AP2B1: variants seen among roughly 807,000 people sequenced by gnomAD.
The protein encoded by AP2B1 is AP-2 complex subunit beta.
In AP2B1, 23 loss-of-function variants were observed where a neutral mutation model predicts 102.0. That is an observed-to-expected ratio of 0.23 (90% CI 0.16 to 0.32). The LOEUF is 0.32. AP2B1 is among the 10% of genes least tolerant of loss of function. The probability of loss-of-function intolerance (pLI) is 1.00; values close to 1 mark genes in which losing one functional copy is unlikely to be tolerated. For missense variants in AP2B1, 541 were observed against 1,157.4 expected, an observed-to-expected ratio of 0.47 and a Z score of 7.73; for synonymous variants, 381 against 421.2, an observed-to-expected ratio of 0.90 and a Z score of 1.17.
chr17:35,680,373 T>C (rs1314492348), intron 17 of AP2B1, among the ~76,000 whole-genome samples: 2 of 152,212 alleles, frequency 1.3e-5, no homozygotes, highest in Non-Finnish European at 2.9e-5. Flanking sequence ...CTTCTTTTTT[T>C]TCCACCCGAA....
At chr17:35,722,804 A>G (rs1190067110) in intron 21 of AP2B1, among the ~76,000 whole-genome samples, 1 of 152,172 alleles carries the variant, frequency 6.6e-6, no homozygotes, top group Non-Finnish European at 1.5e-5. Flanking sequence ...TGCTTATATT[A>G]TTGTTAATAA....
At chr17:35,723,291 C>A (rs1362497862) in intron 21 of AP2B1, among the ~76,000 whole-genome samples, 3 of 152,188 alleles carry the variant, frequency 2.0e-5, no homozygotes, top group African/African-American at 7.2e-5. Context: ...TGGCCCTTCC[C>A]TTTTCATTTA....
intron 18 of AP2B1, among the ~76,000 whole-genome samples, 174 bp from the exon 19 acceptor site, chr17:35,709,050 A>C (rs2076397863): frequency 6.6e-6 from 1 of 152,106 alleles, no homozygotes; most frequent in Non-Finnish European, 1.5e-5. Context: ...ATGACAATGG[A>C]GTAAGTAAGG....
chr17:35,706,948 G>A (rs1421098977), intron 18 of AP2B1, among the ~76,000 whole-genome samples: 1 of 151,750 alleles, frequency 6.6e-6, no homozygotes, highest in East Asian at 1.9e-4. Flanking sequence ...CACCACACCC[G>A]GCCCCAGTTT....
Position 35,710,279 on chromosome 17 carries a change from A to G in AP2B1, c.2585A>G (p.Asn862Ser), listed in dbSNP as rs782017586. ...LATWKDIPNE[N>S]ELQFQIKECH... is the part of the protein sequence containing the mutation. ...ACATGGAAGGATATTCCCAATGAAA[A>G]TGAACTTCAGTTTCAGATTAAGGAA... Residue 862 changes from asparagine (N) to serine (S), a missense_variant, in exon 20 of 22, where the codon AAT (asparagine) becomes AGT (serine). Around this residue, in one of 10 missense-constraint regions of AP2B1, gnomAD observed 117 missense variants for 206.7 expected, o/e 0.57. Transcript: ENST00000610402. 1 of 1,613,732 alleles carries G rather than the reference A, an allele frequency of 6.2e-7. No homozygotes were observed. Among genetic ancestry groups the G allele is most frequent in the Admixed American group, 1.7e-5 (1 of 60,030 alleles).
chr17:35,646,219 T>C (rs2074929259), intron 12 of AP2B1, among the ~76,000 whole-genome samples: 1 of 152,234 alleles, frequency 6.6e-6, no homozygotes. Flanking sequence ...CCAAATTATC[T>C]GAGTCACCAA....
chr17:35,593,919 CTAAAATTAATTGGATGTTCT>C, intron 1 of AP2B1, 69 bp from the exon 2 acceptor site: 1 of 617,876 alleles, frequency 1.6e-6, no homozygotes, highest in East Asian at 3.3e-5. Context: ...ATAAGTGTTC[CTAAAATTAATTGGATGTTCT>C]TAAAATTAAT....
chr17:35,710,357 T>G, intron 20 of AP2B1, 37 bp downstream of exon 20: 1 of 1,360,632 alleles, frequency 7.3e-7, no homozygotes. Flanking sequence ...TTCATCTTAG[T>G]AAATCAAATT....
At chr17:35,625,078 A>G (rs974513720) in intron 6 of AP2B1, among the ~76,000 whole-genome samples, 37 of 152,188 alleles carry the variant, frequency 2.4e-4, no homozygotes, top group African/African-American at 8.7e-4. Context: ...GCACACCTAG[A>G]TTGTTCTGCT....
Position 35,629,838 on chromosome 17 carries a change from C to T in AP2B1, c.1155+2112C>T, listed in dbSNP as rs546595261. Among the ~76,000 whole-genome samples the T allele has an allele frequency of 3.2e-4, 49 of 152,270 alleles. 1 individual carries two copies. In the South Asian group the frequency reaches 9.5e-3, roughly 30 times the overall value. On this transcript the variant is annotated intron_variant, in intron 9 of 21. Transcript: ENST00000610402. Reference sequence around the variant, plus strand: ...GGTTTCTAGCTTGGCTGCAGCCTTCCGGTAAGTATTATGGGCTGTAATTTA... The same window carrying T: ...GGTTTCTAGCTTGGCTGCAGCCTTCTGGTAAGTATTATGGGCTGTAATTTA...
intron 18 of AP2B1, among the ~76,000 whole-genome samples, chr17:35,701,374 A>G (rs1259954894): frequency 6.6e-6 from 1 of 152,258 alleles, no homozygotes; most frequent in Non-Finnish European, 1.5e-5. Flanking sequence ...TTCCTAGAGC[A>G]TCAGTTTTAT....
chr17:35,675,420 C>T (rs1016002022), intron 17 of AP2B1, among the ~76,000 whole-genome samples: 22 of 152,226 alleles, frequency 1.4e-4, no homozygotes, highest in African/African-American at 5.1e-4. Flanking sequence ...GAGAGCTTGG[C>T]ATGTTAAAAA....
chr17:35,658,282 C>CTTT (rs33981679), intron 14 of AP2B1, among the ~76,000 whole-genome samples: 57 of 141,092 alleles, frequency 4.0e-4, no homozygotes, highest in East Asian at 3.6e-3. Context: ...TCTTCTTCTT[C>CTTT]TTTTTTTTTT....
chr17:35,666,022 CTA>C (rs2075456817), intron 14 of AP2B1, among the ~76,000 whole-genome samples: 1 of 152,254 alleles, frequency 6.6e-6, no homozygotes, highest in South Asian at 2.1e-4. Flanking sequence ...ATTTATTCCC[CTA>C]TATAACTTCA....
chr17:35,673,088 T>C (rs1007986483), intron 16 of AP2B1, among the ~76,000 whole-genome samples: 3 of 152,228 alleles, frequency 2.0e-5, no homozygotes, highest in African/African-American at 7.2e-5. Flanking sequence ...GGTTATTCCC[T>C]GGTCCTCCCC....
chr17:35,663,724 A>G (rs1166029394), intron 14 of AP2B1, among the ~76,000 whole-genome samples: 1 of 152,230 alleles, frequency 6.6e-6, no homozygotes, highest in Non-Finnish European at 1.5e-5. Flanking sequence ...AGAATGTAAA[A>G]TTGCATGACT....
At chr17:35,638,253 T>C (rs1014552170) in intron 10 of AP2B1, among the ~76,000 whole-genome samples, 4 of 152,196 alleles carry the variant, frequency 2.6e-5, no homozygotes, top group Non-Finnish European at 2.9e-5. Flanking sequence ...AAGAAAGCAA[T>C]CAAGAGCCTG....
chr17:35,621,642 T>C (rs2074181775), intron 5 of AP2B1, among the ~76,000 whole-genome samples: 1 of 152,230 alleles, frequency 6.6e-6, no homozygotes, highest in Non-Finnish European at 1.5e-5. Flanking sequence ...TTTAATGTCA[T>C]GATAAGTGGC....
intron 2 of AP2B1, chr17:35,596,777 GC>G: frequency 1.7e-6 from 1 of 580,302 alleles, no homozygotes; most frequent in Non-Finnish European, 3.1e-6. Context: ...CCGCAGCTGC[GC>G]CCCCTAGCGT....
Sources: allele counts gnomAD v4.1 joint callset (sites outside exome capture counted in the v4.1 genomes callset), GRCh38; gene constraint gnomAD v4.1.1; regional missense constraint gnomAD v4.1.1; transcripts MANE v1.5; gene names NCBI Gene and HGNC (gene_info 2026-07-23, HGNC 2026-07-21).